Variants in PEX5L observed in about 807,000 individuals in gnomAD.
PEX5L encodes the protein PEX5-related protein.
A neutral mutation model predicts 84.0 loss-of-function variants in PEX5L; 30 were observed. The ratio of observed to expected loss-of-function variants is 0.36; its 90% confidence interval spans 0.27 to 0.48. The LOEUF is 0.48. Among genes scored for constraint, PEX5L ranks in the 20% least tolerant of loss-of-function variants. The pLI is 0.99. For missense variants in PEX5L, 533 were observed against 754.6 expected (o/e 0.71, Z 3.44); for synonymous variants, 270 against 283.1 (o/e 0.95, Z 0.46).
Position 179,954,307 on chromosome 3 carries a change from T to A in PEX5L, c.93+17287A>T, listed in dbSNP as rs542130783. On this transcript the variant is annotated intron_variant, in intron 2 of 14. Coordinates refer to ENST00000467460, the MANE Select transcript of PEX5L (RefSeq NM_016559.3). ...GCCATTTGATTTTTCTAGTACAATGTATCTTCAGGCCAATTATGAGTAAAA... is the reference window on the plus strand; with the variant it reads ...GCCATTTGATTTTTCTAGTACAATGAATCTTCAGGCCAATTATGAGTAAAA... Among the ~76,000 whole-genome samples, 4 of 152,186 alleles carry A rather than the reference T, an allele frequency of 2.6e-5. No individual in the cohort carries two copies. The South Asian group carries it at 8.3e-4, about 32-fold the overall frequency.
At chr3:179,881,953 C>T (rs747027418) in intron 4 of PEX5L, among the ~76,000 whole-genome samples, 9 of 151,882 alleles carry the variant, frequency 5.9e-5, no homozygotes, top group Non-Finnish European at 8.8e-5. Flanking sequence ...CAGAACTAAG[C>T]TGCCTGGCTT....
chr3:179,853,095 A>C (rs544149054), intron 8 of PEX5L, among the ~76,000 whole-genome samples: 1 of 152,338 alleles, frequency 6.6e-6, no homozygotes. Context: ...GGAGATCGAC[A>C]TGAAACCCAT....
chr3:179,804,189 C>G (rs1720239942), intron 14 of PEX5L: 1 of 152,122 alleles, frequency 6.6e-6, no homozygotes. Flanking sequence ...ATTGTCCCCC[C>G]ATAAAGATAG....
At chr3:179,839,617 C>T (rs1284002902) in intron 8 of PEX5L, among the ~76,000 whole-genome samples, 1 of 152,102 alleles carries the variant, frequency 6.6e-6, no homozygotes, top group African/African-American at 2.4e-5. Flanking sequence ...TTTTTCAATG[C>T]CATAGAAACT....
At chr3:179,888,170 A>G in intron 3 of PEX5L, 1 of 1,289,960 alleles carries the variant, frequency 7.8e-7, no homozygotes, top group Non-Finnish European at 1.0e-6. Context: ...AGACTCAAAG[A>G]TGACATGTTC....
chr3:179,859,624 C>A (rs1397813801), intron 7 of PEX5L, among the ~76,000 whole-genome samples: 1 of 152,170 alleles, frequency 6.6e-6, no homozygotes, highest in South Asian at 2.1e-4. Flanking sequence ...GGCTTCCAGG[C>A]CTTTCTCCGT....
At chr3:179,946,017 GTTT>G (rs10605374) in intron 2 of PEX5L, among the ~76,000 whole-genome samples, 16 of 144,012 alleles carry the variant, frequency 1.1e-4, no homozygotes, top group Non-Finnish European at 2.0e-4. Flanking sequence ...AGTACTGAAA[GTTT>G]TTTTTTTTTT....
At chr3:179,912,874 T>C (rs1044827475) in intron 2 of PEX5L, among the ~76,000 whole-genome samples, 16 of 152,084 alleles carry the variant, frequency 1.1e-4, no homozygotes, top group African/African-American at 3.6e-4. Flanking sequence ...CCACAGTCAA[T>C]ATATATTCAG....
intron 1 of PEX5L, among the ~76,000 whole-genome samples, chr3:179,995,091 GTATA>G (rs569901109): frequency 6.9e-6 from 1 of 145,918 alleles, no homozygotes; most frequent in African/African-American, 2.5e-5. Flanking sequence ...TATATATATA[GTATA>G]TATATACACA....
At chr3:179,985,543 G>GAGT in intron 1 of PEX5L, among the ~76,000 whole-genome samples, 1 of 151,962 alleles carries the variant, frequency 6.6e-6, no homozygotes, top group Non-Finnish European at 1.5e-5. Context: ...AACCAGCTTT[G>GAGT]AGTAGCTGCT....
chr3:179,842,966 C>T (rs1577485927), intron 8 of PEX5L, among the ~76,000 whole-genome samples: 1 of 151,764 alleles, frequency 6.6e-6, no homozygotes, highest in East Asian at 2.0e-4. Flanking sequence ...GCAAGGAACT[C>T]AATCACAAAT....
In PEX5L at chr3:180,036,669, A is replaced by G; in HGVS notation, c.-70T>C. 1.3e-6 allele frequency: 2 copies of G among 1,544,418 alleles called. No individual in the cohort carries two copies. The highest frequency in any genetic ancestry group is 1.7e-4 in the Middle Eastern group (1 of 5,926). The stretch of plus-strand genomic sequence containing the variant: ...TTCCCCCGTGCTTACTTGCCCACCA[A>G]AAGAGGGGAAAAGGTGGGTGCACAG... On this transcript the variant is annotated 5_prime_UTR_variant, in exon 1 of 15. Transcript: ENST00000467460.
chr3:179,868,042 C>CTTTTTTTTTTTTT (rs71628101), intron 7 of PEX5L, among the ~76,000 whole-genome samples: 1 of 116,358 alleles, frequency 8.6e-6, no homozygotes, highest in Non-Finnish European at 1.8e-5. Flanking sequence ...TCTTCTTCTT[C>CTTTTTTTTTTTTT]TTTTTTTTTT....
intron 1 of PEX5L, among the ~76,000 whole-genome samples, chr3:179,975,973 G>T (rs1382314984): frequency 6.6e-6 from 1 of 152,208 alleles, no homozygotes; most frequent in East Asian, 1.9e-4. Context: ...TTGGATGTAG[G>T]TGTCTGTATC....
At chr3:179,882,355 C>CAGTA (rs1378181736) in intron 4 of PEX5L, among the ~76,000 whole-genome samples, 4 of 152,228 alleles carry the variant, frequency 2.6e-5, no homozygotes, top group African/African-American at 9.6e-5. Flanking sequence ...AAACTTGGCT[C>CAGTA]AGTAAGGTTC....
chr3:179,970,846 G>C (rs73883445), intron 2 of PEX5L, among the ~76,000 whole-genome samples: 2 of 151,986 alleles, frequency 1.3e-5, no homozygotes, highest in Non-Finnish European at 2.9e-5. Context: ...CAGCTTTTGC[G>C]TCGCTCTCAG....
chr3:179,957,666 G>A (rs531527093), intron 2 of PEX5L, among the ~76,000 whole-genome samples: 2 of 152,196 alleles, frequency 1.3e-5, no homozygotes, highest in Non-Finnish European at 2.9e-5. Context: ...AACAAATACT[G>A]AAGTGACAGG....
chr3:179,930,414 G>C (rs756226854), intron 2 of PEX5L, among the ~76,000 whole-genome samples: 3 of 152,156 alleles, frequency 2.0e-5, no homozygotes, highest in Non-Finnish European at 2.9e-5. Flanking sequence ...ATATCACCCA[G>C]TCTGGCTTCT....
At chr3:179,823,010 T>C (rs1426540318) in intron 8 of PEX5L, among the ~76,000 whole-genome samples, 1 of 152,220 alleles carries the variant, frequency 6.6e-6, no homozygotes, top group Non-Finnish European at 1.5e-5. Flanking sequence ...TTTTGGTTAG[T>C]TGTTATGACA....
Sources: gnomAD v4.1 joint callset for allele counts (sites outside exome capture counted in the v4.1 genomes callset) on GRCh38, gnomAD v4.1.1 for gene constraint, MANE v1.5 for transcripts, NCBI Gene and HGNC (gene_info 2026-07-23, HGNC 2026-07-21) for gene names.